The following PCCA variants were observed in gnomAD, a reference collection of about 807,000 sequenced individuals.
PCCA encodes propionyl-CoA carboxylase subunit alpha, also known as propionyl-CoA carboxylase alpha chain, mitochondrial.
A neutral mutation model predicts 101.3 loss-of-function variants in PCCA; 74 were observed. The observed-to-expected ratio is 0.73, with a 90% CI of 0.61 to 0.89. The LOEUF is 0.89. PCCA is among the 40% of genes least tolerant of loss of function. PCCA has a pLI of 0.00. For missense variants in PCCA, 891 were observed against 907.0 expected (o/e 0.98, Z 0.23); for synonymous variants, 294 against 313.6 (o/e 0.94, Z 0.66).
intron 20 of PCCA, among the ~76,000 whole-genome samples, chr13:100,448,390 A>G (rs1214804802): frequency 6.6e-6 from 1 of 151,936 alleles, no homozygotes; most frequent in South Asian, 2.1e-4. Flanking sequence ...ACGGGGTTTC[A>G]CCATATTGGC....
chr13:100,178,852 C>T (rs959191136), intron 6 of PCCA, among the ~76,000 whole-genome samples: 12 of 151,432 alleles, frequency 7.9e-5, no homozygotes, highest in Non-Finnish European at 4.4e-5. Context: ...CTGAGGCGGG[C>T]GGATCACAAG....
intron 11 of PCCA, among the ~76,000 whole-genome samples, chr13:100,272,564 GACAC>G (rs140863707): frequency 1.3e-5 from 2 of 150,456 alleles, no homozygotes; most frequent in Non-Finnish European, 3.0e-5. Flanking sequence ...ACCATGAAAT[GACAC>G]ACACACACAC....
chr13:100,222,649 T>C (rs573126964), intron 7 of PCCA, among the ~76,000 whole-genome samples: 4 of 152,354 alleles, frequency 2.6e-5, no homozygotes, highest in Admixed American at 2.0e-4. Flanking sequence ...CAGTTTTTCA[T>C]TGGCAGAGTG....
chr13:100,266,105 C>G (rs553444454), intron 10 of PCCA, among the ~76,000 whole-genome samples: 1 of 152,106 alleles, frequency 6.6e-6, no homozygotes, highest in Admixed American at 6.5e-5. Flanking sequence ...TAATTTTGTC[C>G]TTCACTGTAT....
At position 100,527,422 on chromosome 13, in the gene PCCA, C is replaced by T. The variant is rs138278916; in HGVS notation, c.2041-253C>T. 8.0e-3 allele frequency: 4,405 copies of T among 550,208 alleles called. 260 individuals carry two copies. In the Admixed American group the frequency reaches 0.097, roughly 12 times the overall value. The allele number at this position is 550,208 out of a possible 1,614,324, so 34.1% of individuals were successfully genotyped here. ...ACTCAGAGATCCCCAGGGTAGGCCC[C>T]GCCGCCAGGGTCCCCACTTCTCCAG... is the stretch of plus-strand genomic sequence containing the variant. On this transcript the variant is annotated intron_variant, in intron 22 of 23. Transcript: ENST00000376285.
rs774758984 is a variant in PCCA, at chr13:100,492,171, G to A, written c.1900-23256G>A. Among the ~76,000 whole-genome samples, 146 of 151,620 alleles carry A rather than the reference G, an allele frequency of 9.6e-4. 2 individuals are homozygous for A. Among genetic ancestry groups the A allele is most frequent in the Non-Finnish European group, 1.9e-3 (130 of 67,906 alleles). On this transcript the variant is annotated intron_variant, in intron 21 of 23. Coordinates refer to ENST00000376285, the MANE Select transcript of PCCA (RefSeq NM_000282.4). ...TTTTTTTGGGACGGAGTCTCGCTTT[G>A]TCGTCCAGGCTGGAGTGCAGTGGCA...
At chr13:100,487,590 A>G (rs1017443795) in intron 21 of PCCA, among the ~76,000 whole-genome samples, 11 of 152,236 alleles carry the variant, frequency 7.2e-5, no homozygotes, top group Non-Finnish European at 1.3e-4. Context: ...TGAATCTCCA[A>G]GATGGAATAT....
intron 21 of PCCA, among the ~76,000 whole-genome samples, chr13:100,463,642 G>A (rs1194533314): frequency 6.6e-6 from 1 of 152,124 alleles, no homozygotes; most frequent in Non-Finnish European, 1.5e-5. Context: ...GCAAGAAGAA[G>A]ATTAAGAGTG....
intron 19 of PCCA, among the ~76,000 whole-genome samples, chr13:100,424,533 A>G (rs1249538434): frequency 2.6e-5 from 4 of 152,154 alleles, no homozygotes; most frequent in Admixed American, 2.6e-4. Context: ...AGAATGCCAC[A>G]AAACTGAGCC....
At chr13:100,514,347 A>G (rs529349918) in intron 21 of PCCA, among the ~76,000 whole-genome samples, 2 of 152,302 alleles carry the variant, frequency 1.3e-5, no homozygotes, top group East Asian at 3.9e-4. Context: ...CGCCGTCCCC[A>G]TGCAGAATTA....
chr13:100,256,967 G>T (rs2062116828), intron 8 of PCCA, among the ~76,000 whole-genome samples: 1 of 151,972 alleles, frequency 6.6e-6, no homozygotes, highest in Non-Finnish European at 1.5e-5. Flanking sequence ...GCTTTGTTTT[G>T]ACCTTACTTT....
chr13:100,115,723 A>G (rs1398034526), intron 4 of PCCA, among the ~76,000 whole-genome samples: 1 of 152,214 alleles, frequency 6.6e-6, no homozygotes, highest in East Asian at 1.9e-4. Context: ...AAGTGGTTTC[A>G]AAAGAATTGT....
chr13:100,097,742 C>T (rs1489222067), intron 1 of PCCA, among the ~76,000 whole-genome samples: 1 of 152,010 alleles, frequency 6.6e-6, no homozygotes, highest in Non-Finnish European at 1.5e-5. Flanking sequence ...CACAAATCTT[C>T]GAATACTTAT....
chr13:100,214,121 T>C (rs1427175654), intron 7 of PCCA, among the ~76,000 whole-genome samples: 1 of 152,208 alleles, frequency 6.6e-6, no homozygotes, highest in Non-Finnish European at 1.5e-5. Context: ...GCTATAGCTC[T>C]GTAGTATAAT....
At chr13:100,123,452 A>G (rs1341010151) in intron 4 of PCCA, among the ~76,000 whole-genome samples, 1 of 152,238 alleles carries the variant, frequency 6.6e-6, no homozygotes, top group Non-Finnish European at 1.5e-5. Context: ...TAAGGTAGAA[A>G]ATACAACAAG....
At chr13:100,112,107 C>A in intron 4 of PCCA, 46 bp downstream of exon 4, 3 of 1,429,856 alleles carry the variant, frequency 2.1e-6, no homozygotes, top group African/African-American at 1.4e-5. Context: ...AATTTTGGGT[C>A]AAGCAGAAAA....
In PCCA at chr13:100,425,701, C is replaced by T. The variant is rs758127059; in HGVS notation, c.1815C>T (p.Val605=). The T allele has an allele frequency of 1.2e-6, 2 of 1,613,770 alleles. No homozygotes were observed. The highest frequency in any genetic ancestry group is 2.7e-5 in the African/African-American group (2 of 74,930). The change falls in exon 20 of 24, where the codon GTC becomes GTT. Residue 605 remains valine, a synonymous_variant. Coordinates refer to ENST00000376285, the MANE Select transcript of PCCA (RefSeq NM_000282.4). Reference sequence around the variant, plus strand: ...ACCTGGCTTCGCCCTTATTGTCTGTCAGCGTTGATGGCACTCAGAGGACTG... The same window carrying T: ...ACCTGGCTTCGCCCTTATTGTCTGTTAGCGTTGATGGCACTCAGAGGACTG... ...TWNLASPLLS[V]SVDGTQRTVQ...
chr13:100,308,889 G>A (rs1418881924), intron 15 of PCCA, among the ~76,000 whole-genome samples: 1 of 152,056 alleles, frequency 6.6e-6, no homozygotes, highest in African/African-American at 2.4e-5. Context: ...TTAATGAATA[G>A]TTAAGGTCTT....
intron 22 of PCCA, among the ~76,000 whole-genome samples, chr13:100,521,439 C>T (rs1305437438): frequency 6.6e-6 from 1 of 152,218 alleles, no homozygotes; most frequent in Non-Finnish European, 1.5e-5. Flanking sequence ...GGCGGCGTCT[C>T]CTGCCCGCCT....
Sources: allele counts gnomAD v4.1 joint callset (sites outside exome capture counted in the v4.1 genomes callset), GRCh38; gene constraint gnomAD v4.1.1; transcripts MANE v1.5; gene names NCBI Gene and HGNC (gene_info 2026-07-23, HGNC 2026-07-21).